Variants in ADGRV1 observed in about 807,000 individuals in gnomAD.
ADGRV1 encodes the protein G-protein coupled receptor 98.
A neutral mutation model predicts 596.2 loss-of-function variants in ADGRV1; 359 were observed. That is an observed-to-expected ratio of 0.60 (90% CI 0.55 to 0.66). The LOEUF (loss-of-function observed/expected upper bound fraction) is 0.66. Among genes scored for constraint, ADGRV1 ranks in the 30% least tolerant of loss-of-function variants. The pLI is 0.00. For synonymous variants in ADGRV1, 2,681 were observed against 2,679.2 expected (o/e 1.00, Z -0.02); for missense variants, 7,274 against 7,575.6 (o/e 0.96, Z 1.48).
At chr5:90,631,937 A>G (rs549563236) in intron 9 of ADGRV1, among the ~76,000 whole-genome samples, 3 of 152,226 alleles carry the variant, frequency 2.0e-5, no homozygotes, top group East Asian at 1.9e-4. Flanking sequence ...TGATTTTATT[A>G]ATATGGAAGT....
chr5:90,562,479 C>T (rs1754963434), intron 1 of ADGRV1, among the ~76,000 whole-genome samples: 1 of 152,154 alleles, frequency 6.6e-6, no homozygotes, highest in Admixed American at 6.5e-5. Flanking sequence ...GCACAAGCGG[C>T]TGTGGTAATA....
intron 1 of ADGRV1, 65 bp downstream of exon 1, chr5:90,558,982 A>G: frequency 7.0e-7 from 1 of 1,434,650 alleles, no homozygotes; most frequent in African/African-American, 1.4e-5. Flanking sequence ...CCTCAGCATC[A>G]GCACCTGTTG....
At chr5:91,000,497 G>C (rs1005147270) in intron 85 of ADGRV1, among the ~76,000 whole-genome samples, 1 of 152,072 alleles carries the variant, frequency 6.6e-6, no homozygotes, top group Non-Finnish European at 1.5e-5. Flanking sequence ...ATTTACAATC[G>C]TAACATTTTT....
intron 58 of ADGRV1, chr5:90,760,045 C>T (rs1377157942): frequency 2.7e-5 from 4 of 147,382 alleles, no homozygotes; most frequent in Admixed American, 1.4e-4. Flanking sequence ...GAGGCCGAGG[C>T]GGGCGGATCA....
intron 50 of ADGRV1, among the ~76,000 whole-genome samples, chr5:90,740,704 A>C (rs1208937126): frequency 1.3e-5 from 2 of 152,060 alleles, no homozygotes; most frequent in East Asian, 3.9e-4. Context: ...AGCCCTGTTG[A>C]TAGCTAGTGT....
At chr5:90,671,838 A>G (rs915117096) in intron 21 of ADGRV1, among the ~76,000 whole-genome samples, 1 of 152,196 alleles carries the variant, frequency 6.6e-6, no homozygotes, top group Non-Finnish European at 1.5e-5. Context: ...TGCTTCCACC[A>G]TAGAGTTTTA....
chr5:91,052,296 TAA>T (rs562888315), intron 85 of ADGRV1, among the ~76,000 whole-genome samples: 5 of 137,636 alleles, frequency 3.6e-5, no homozygotes, highest in Non-Finnish European at 3.2e-5. Flanking sequence ...ACATTTCTTC[TAA>T]AAAAAAAAAA....
intron 70 of ADGRV1, among the ~76,000 whole-genome samples, chr5:90,800,076 A>G (rs1306726208): frequency 6.6e-6 from 1 of 152,208 alleles, no homozygotes; most frequent in Non-Finnish European, 1.5e-5. Flanking sequence ...AAATTGACCA[A>G]TGGGATCTAA....
chr5:90,582,435 C>CAG (rs1758190564), intron 1 of ADGRV1, among the ~76,000 whole-genome samples: 3 of 152,122 alleles, frequency 2.0e-5, no homozygotes, highest in African/African-American at 2.4e-5. Flanking sequence ...TACCCTTTAT[C>CAG]ATTCTGTAAT....
chr5:90,810,132 C>T (rs1762301421), intron 73 of ADGRV1, 101 bp from the exon 74 acceptor site: 1 of 928,974 alleles, frequency 1.1e-6, no homozygotes, highest in Non-Finnish European at 1.6e-6. Flanking sequence ...TAAGTTGCTG[C>T]CCTCATGAGC....
At chr5:90,765,013 A>C (rs1756944463) in intron 59 of ADGRV1, among the ~76,000 whole-genome samples, 1 of 151,808 alleles carries the variant, frequency 6.6e-6, no homozygotes, top group African/African-American at 2.4e-5. Flanking sequence ...GGAGAGAAGC[A>C]CTCCCACCTA....
intron 87 of ADGRV1, among the ~76,000 whole-genome samples, chr5:91,114,580 C>T (rs1055467193): frequency 2.6e-5 from 4 of 151,972 alleles, no homozygotes; most frequent in African/African-American, 9.7e-5. Context: ...GGGTTTCAGG[C>T]CATGTGAAGG....
Position 90,694,387 on chromosome 5 carries a change from A to G in ADGRV1, c.7631A>G (p.Glu2544Gly), listed in dbSNP as rs111033523. 14 of 1,613,866 alleles carry G rather than the reference A, an allele frequency of 8.7e-6. No individual in the cohort carries two copies. Among genetic ancestry groups the G allele is most frequent in the Non-Finnish European group, 1.1e-5 (13 of 1,179,882 alleles). ...MDESFLISLL[E>G]VHLMNISASL... is the part of the protein sequence containing the mutation. Reference sequence around the variant, plus strand: ...GAGAGTTTTCTAATTTCTCTCCTTGAAGTTCACCTCATGAACATTTCAGCC... The same window carrying G: ...GAGAGTTTTCTAATTTCTCTCCTTGGAGTTCACCTCATGAACATTTCAGCC... The change falls in exon 33 of 90, where the codon GAA becomes GGA. Residue 2544 changes from glutamate (E) to glycine (G), a missense_variant. Glu to Gly is a moderately conservative substitution (Grantham distance 98). This residue lies in a region of ADGRV1 where 3,643 missense variants were observed against 3,809.2 expected (regional missense o/e 0.96). Transcript: ENST00000405460.
At chr5:90,646,510 C>G (rs978589523) in intron 16 of ADGRV1, among the ~76,000 whole-genome samples, 1 of 151,704 alleles carries the variant, frequency 6.6e-6, no homozygotes, top group Non-Finnish European at 1.5e-5. Flanking sequence ...AGTATTATGC[C>G]TAATGGATGG....
At chr5:90,797,739 T>G (rs529037004) in intron 70 of ADGRV1, among the ~76,000 whole-genome samples, 1 of 152,196 alleles carries the variant, frequency 6.6e-6, no homozygotes, top group Non-Finnish European at 1.5e-5. Context: ...AAAACACACC[T>G]CAGCAAATGT....
At chr5:90,765,205 A>T (rs1756970974) in intron 59 of ADGRV1, among the ~76,000 whole-genome samples, 1 of 152,108 alleles carries the variant, frequency 6.6e-6, no homozygotes, top group East Asian at 1.9e-4. Flanking sequence ...GAGAACTGGC[A>T]CCTGATGTCC....
intron 83 of ADGRV1, among the ~76,000 whole-genome samples, chr5:90,876,406 A>AACCTT (rs1554142608): frequency 6.6e-6 from 1 of 152,198 alleles, no homozygotes; most frequent in Non-Finnish European, 1.5e-5. Context: ...AAAAATATCC[A>AACCTT]TGTAGGCACT....
At chr5:91,056,871 G>A (rs1445783148) in intron 85 of ADGRV1, among the ~76,000 whole-genome samples, 3 of 152,068 alleles carry the variant, frequency 2.0e-5, no homozygotes, top group Non-Finnish European at 2.9e-5. Context: ...TAAGAAAATC[G>A]CTCGAATTTA....
chr5:91,078,609 C>T (rs1236324645), intron 86 of ADGRV1, among the ~76,000 whole-genome samples: 2 of 152,194 alleles, frequency 1.3e-5, no homozygotes, highest in Non-Finnish European at 2.9e-5. Context: ...AAGCCACCAT[C>T]TAAGTTCAAT....
Sources: gnomAD v4.1 joint callset for allele counts (sites outside exome capture counted in the v4.1 genomes callset) on GRCh38, gnomAD v4.1.1 for gene constraint, gnomAD v4.1.1 regional missense constraint, MANE v1.5 for transcripts, NCBI Gene and HGNC (gene_info 2026-07-23, HGNC 2026-07-21) for gene names.